EPHB1: variants seen among roughly 807,000 people sequenced by gnomAD.
EPHB1 encodes the protein ephrin type-B receptor 1.
In EPHB1, 30 loss-of-function variants were observed where a neutral mutation model predicts 94.4. The ratio of observed to expected loss-of-function variants is 0.32; its 90% CI spans 0.24 to 0.43. EPHB1 has a LOEUF of 0.43. Among genes scored for constraint, EPHB1 ranks in the 20% least tolerant of loss-of-function variants. The probability of loss-of-function intolerance (pLI) is 1.00; values close to 1 mark genes in which losing one functional copy is unlikely to be tolerated. For synonymous variants in EPHB1, 522 were observed against 489.1 expected (o/e 1.07, Z -0.89); for missense variants, 1,055 against 1,308.3 (o/e 0.81, Z 2.99).
At chr3:135,098,066 A>T (rs1036165178) in intron 3 of EPHB1, among the ~76,000 whole-genome samples, 2 of 151,898 alleles carry the variant, frequency 1.3e-5, no homozygotes, top group African/African-American at 4.8e-5. Context: ...TCCTCTAAAG[A>T]CCTCTGTCAC....
intron 5 of EPHB1, among the ~76,000 whole-genome samples, chr3:135,144,892 G>A (rs558485972): frequency 1.1e-4 from 17 of 152,346 alleles, no homozygotes; most frequent in Non-Finnish European, 1.3e-4. Context: ...AAGATAGGAA[G>A]GGAATGTCAG....
intron 3 of EPHB1, among the ~76,000 whole-genome samples, chr3:135,020,907 A>AT (rs920286563): frequency 2.0e-5 from 3 of 151,580 alleles, no homozygotes; most frequent in Non-Finnish European, 4.4e-5. Flanking sequence ...GTCTAATTTA[A>AT]TTTTTTTTTC....
chr3:135,040,591 C>A (rs1044163724), intron 3 of EPHB1, among the ~76,000 whole-genome samples: 4 of 152,212 alleles, frequency 2.6e-5, no homozygotes, highest in African/African-American at 7.2e-5. Flanking sequence ...TGTTTGTGTG[C>A]CCTTGCACAG....
At position 134,902,333 on chromosome 3, in the gene EPHB1, T is replaced by C. The variant is rs568523994; in HGVS notation, c.59-23483T>C. On this transcript the variant is annotated intron_variant, in intron 1 of 15. Coordinates refer to ENST00000398015, the MANE Select transcript of EPHB1 (RefSeq NM_004441.5). ...CAGGAGTCCAGGAGGGTGTACAAGT[T>C]TTTGGCTTGAGTCACTGGCAGGAGG... is the stretch of plus-strand genomic sequence containing the variant. Among the ~76,000 whole-genome samples, 6 of 152,094 alleles carry C rather than the reference T, an allele frequency of 3.9e-5. No individual in the cohort carries two copies. In the East Asian group the frequency reaches 1.2e-3, roughly 29 times the overall value.
chr3:135,091,983 A>T (rs147866220), intron 3 of EPHB1, among the ~76,000 whole-genome samples: 346 of 152,236 alleles, frequency 2.3e-3, no homozygotes, highest in African/African-American at 7.7e-3. Flanking sequence ...TTGGTTATAA[A>T]TTTTTTTTAA....
rs182180416 is a variant in EPHB1 at position 134,878,965 on chromosome 3, C to T, written c.59-46851C>T. Among the ~76,000 whole-genome samples, 33 of 152,312 alleles carry T rather than the reference C, an allele frequency of 2.2e-4. No homozygotes were observed. The East Asian group carries it at 4.8e-3, about 22-fold the overall frequency. ...ATAAGTGTTTGAGAGGTGTTAAAGA[C>T]ACACCATACTCCTGCCAAGACTTTC... On this transcript the variant is annotated intron_variant, in intron 1 of 15. Transcript: ENST00000398015.
chr3:135,248,256 T>TGTGA, intron 13 of EPHB1, 60 bp from the exon 14 acceptor site: 2 of 1,446,666 alleles, frequency 1.4e-6, no homozygotes, highest in Non-Finnish European at 1.9e-6. Context: ...GGGGATAATT[T>TGTGA]GTGAGTGACT....
At chr3:135,050,367 A>G (rs568488980) in intron 3 of EPHB1, among the ~76,000 whole-genome samples, 1 of 152,312 alleles carries the variant, frequency 6.6e-6, no homozygotes, top group African/African-American at 2.4e-5. Context: ...TGTACAGCAT[A>G]GTTCTTTAAA....
At chr3:135,254,617 A>T in intron 15 of EPHB1, among the ~76,000 whole-genome samples, 1 of 152,174 alleles carries the variant, frequency 6.6e-6, no homozygotes, top group Non-Finnish European at 1.5e-5. Context: ...TCGGTTTGCC[A>T]GTATTTTATT....
chr3:135,209,211 A>G (rs746171167), intron 12 of EPHB1, among the ~76,000 whole-genome samples: 1 of 152,230 alleles, frequency 6.6e-6, no homozygotes, highest in Non-Finnish European at 1.5e-5. Flanking sequence ...TTTGGCAACC[A>G]TCAGATTAAT....
chr3:134,936,914 A>G (rs1221614985), intron 2 of EPHB1, among the ~76,000 whole-genome samples: 1 of 152,178 alleles, frequency 6.6e-6, no homozygotes, highest in Non-Finnish European at 1.5e-5. Context: ...GACTGGCCAT[A>G]TCTTCACGGG....
intron 12 of EPHB1, 36 bp downstream of exon 12, chr3:135,201,725 G>T: frequency 6.3e-7 from 1 of 1,598,556 alleles, no homozygotes; most frequent in Non-Finnish European, 8.6e-7. Context: ...TAGAAGCATG[G>T]CATGAGTTAA....
intron 15 of EPHB1, among the ~76,000 whole-genome samples, chr3:135,253,063 G>GT (rs1461224837): frequency 1.3e-3 from 188 of 149,700 alleles, no homozygotes; most frequent in African/African-American, 4.4e-3. Flanking sequence ...TGATGGGGTT[G>GT]TTTTTTTCTT....
In EPHB1 at chr3:134,848,908, C is replaced by T. The variant is rs189481518; in HGVS notation, c.58+53219C>T. Among the ~76,000 whole-genome samples the T allele has an allele frequency of 3.1e-3, 479 of 152,362 alleles. 4 individuals carry two copies. The highest frequency in any genetic ancestry group is 5.1e-3 in the Non-Finnish European group (344 of 68,028). ...AACCATGCCCAAAGGCCAGGGGCCT[C>T]TATTTTTCAATCCAATACAAGAGCT... On this transcript the variant is annotated intron_variant, in intron 1 of 15. Transcript: ENST00000398015.
At chr3:135,042,605 C>T (rs890102618) in intron 3 of EPHB1, among the ~76,000 whole-genome samples, 3 of 152,166 alleles carry the variant, frequency 2.0e-5, no homozygotes, top group Admixed American at 1.3e-4. Flanking sequence ...TGCTGGTGGT[C>T]TGGGTCTTGC....
At chr3:134,989,845 A>G (rs942198958) in intron 3 of EPHB1, among the ~76,000 whole-genome samples, 1 of 152,228 alleles carries the variant, frequency 6.6e-6, no homozygotes, top group Non-Finnish European at 1.5e-5. Flanking sequence ...GATTTAAATC[A>G]CTATTTTAAA....
intron 3 of EPHB1, among the ~76,000 whole-genome samples, chr3:135,083,235 G>C (rs1938224357): frequency 6.6e-6 from 1 of 152,126 alleles, no homozygotes; most frequent in South Asian, 2.1e-4. Flanking sequence ...GAGCCCTCAG[G>C]GTTTTAGACA....
chr3:135,080,042 G>T (rs141471380), intron 3 of EPHB1, among the ~76,000 whole-genome samples: 31 of 152,294 alleles, frequency 2.0e-4, no homozygotes, highest in African/African-American at 7.5e-4. Flanking sequence ...GTTTGAGGTG[G>T]CTTTAGTCAA....
At chr3:135,090,183 A>T (rs559253883) in intron 3 of EPHB1, among the ~76,000 whole-genome samples, 1 of 152,322 alleles carries the variant, frequency 6.6e-6, no homozygotes, top group East Asian at 1.9e-4. Context: ...TGCAACATCC[A>T]CTGGTCCATT....
Sources: gnomAD v4.1 joint callset for allele counts (sites outside exome capture counted in the v4.1 genomes callset) on GRCh38, gnomAD v4.1.1 for gene constraint, MANE v1.5 for transcripts, NCBI Gene and HGNC (gene_info 2026-07-23, HGNC 2026-07-21) for gene names.